ANKS1B: variants seen among roughly 807,000 people sequenced by gnomAD.
ANKS1B encodes ankyrin repeat and sterile alpha motif domain containing 1B.
In ANKS1B, 36 loss-of-function variants were observed where a neutral mutation model predicts 148.3. That is an observed-to-expected ratio of 0.24 (90% CI 0.19 to 0.32). The LOEUF (loss-of-function observed/expected upper bound fraction) is 0.32, where lower values mean the gene tolerates loss of function less well. ANKS1B is among the 10% of genes least tolerant of loss of function. ANKS1B has a pLI of 1.00. For synonymous variants in ANKS1B, 542 were observed against 560.8 expected (o/e 0.97, Z 0.47); for missense variants, 1,157 against 1,542.6 (o/e 0.75, Z 4.19).
chr12:99,291,802 A>G (rs573039790), intron 12 of ANKS1B, among the ~76,000 whole-genome samples: 1 of 152,338 alleles, frequency 6.6e-6, no homozygotes, highest in East Asian at 1.9e-4. Flanking sequence ...ACTGGTACCA[A>G]AACAGATATA....
At chr12:98,778,017 C>A (rs1222341596) in intron 24 of ANKS1B, among the ~76,000 whole-genome samples, 1 of 152,186 alleles carries the variant, frequency 6.6e-6, no homozygotes, top group Non-Finnish European at 1.5e-5. Flanking sequence ...TCTTCACGAC[C>A]AACAGGCTGT....
intron 9 of ANKS1B, among the ~76,000 whole-genome samples, chr12:99,618,054 C>G (rs982025656): frequency 6.6e-6 from 1 of 152,152 alleles, no homozygotes; most frequent in African/African-American, 2.4e-5. Flanking sequence ...CTTTCCATAA[C>G]TCACTCTAGG....
intron 14 of ANKS1B, among the ~76,000 whole-genome samples, chr12:99,219,171 T>C (rs2084699672): frequency 6.6e-6 from 1 of 152,156 alleles, no homozygotes; most frequent in Non-Finnish European, 1.5e-5. Context: ...TGACTAAATT[T>C]TAGGCAGGTT....
At chr12:99,250,295 A>T (rs994323248) in intron 12 of ANKS1B, among the ~76,000 whole-genome samples, 1 of 152,192 alleles carries the variant, frequency 6.6e-6, no homozygotes, top group Non-Finnish European at 1.5e-5. Context: ...AATTGGGACT[A>T]TGGGCTCTAC....
At chr12:99,676,863 T>G (rs1394148619) in intron 8 of ANKS1B, among the ~76,000 whole-genome samples, 1 of 152,184 alleles carries the variant, frequency 6.6e-6, no homozygotes, top group Non-Finnish European at 1.5e-5. Context: ...AAGACTATTG[T>G]TCTATAAATG....
intron 8 of ANKS1B, among the ~76,000 whole-genome samples, chr12:99,698,529 G>A (rs556154145): frequency 4.6e-5 from 7 of 152,206 alleles, no homozygotes; most frequent in South Asian, 2.1e-4. Context: ...TTGAGGAACA[G>A]ACAGAATTTG....
intron 15 of ANKS1B, among the ~76,000 whole-genome samples, chr12:99,091,355 A>G (rs1051896081): frequency 3.3e-5 from 5 of 152,188 alleles, no homozygotes; most frequent in African/African-American, 9.6e-5. Context: ...GTAACCAGGT[A>G]TTTATTTGTT....
chr12:99,806,890 T>A (rs2067690375), intron 3 of ANKS1B, among the ~76,000 whole-genome samples, 190 bp from the exon 4 acceptor site: 1 of 152,220 alleles, frequency 6.6e-6, no homozygotes, highest in African/African-American at 2.4e-5. Flanking sequence ...AAAAAATTTT[T>A]TATATCACTT....
intron 19 of ANKS1B, among the ~76,000 whole-genome samples, chr12:98,811,719 C>T (rs531688915): frequency 6.6e-6 from 1 of 152,304 alleles, no homozygotes; most frequent in Admixed American, 6.5e-5. Flanking sequence ...GGAGAGGTAG[C>T]TGACAGGGGC....
chr12:99,165,199 T>C (rs2077078560), intron 14 of ANKS1B, among the ~76,000 whole-genome samples: 1 of 151,918 alleles, frequency 6.6e-6, no homozygotes, highest in South Asian at 2.1e-4. Flanking sequence ...TCAAATCATT[T>C]ATCTCAGAAT....
intron 8 of ANKS1B, among the ~76,000 whole-genome samples, chr12:99,754,822 C>T (rs1278823231): frequency 6.6e-6 from 1 of 152,102 alleles, no homozygotes. Context: ...TACAACATAC[C>T]AGAATCTCTG....
At chr12:99,692,926 G>A (rs2053337169) in intron 8 of ANKS1B, among the ~76,000 whole-genome samples, 1 of 152,174 alleles carries the variant, frequency 6.6e-6, no homozygotes, top group South Asian at 2.1e-4. Context: ...GCACAATTCA[G>A]AACTAGAAGT....
chr12:99,339,380 C>A (rs2089519135), intron 12 of ANKS1B, among the ~76,000 whole-genome samples: 1 of 152,182 alleles, frequency 6.6e-6, no homozygotes, highest in African/African-American at 2.4e-5. Context: ...TCTCTCCATG[C>A]CACACTGCAT....
At chr12:99,702,000 T>C (rs1335954691) in intron 8 of ANKS1B, among the ~76,000 whole-genome samples, 1 of 152,194 alleles carries the variant, frequency 6.6e-6, no homozygotes, top group African/African-American at 2.4e-5. Flanking sequence ...GCTGTAAACA[T>C]GGGAGTGCAG....
At chr12:98,954,845 G>A (rs963778221) in intron 17 of ANKS1B, among the ~76,000 whole-genome samples, 2 of 152,006 alleles carry the variant, frequency 1.3e-5, no homozygotes, top group African/African-American at 4.8e-5. Flanking sequence ...CTAAAAGAGG[G>A]GCAAGGACAT....
At chr12:98,997,212 C>T (rs1321394109) in intron 17 of ANKS1B, among the ~76,000 whole-genome samples, 1 of 152,022 alleles carries the variant, frequency 6.6e-6, no homozygotes. Flanking sequence ...ATATACCAAG[C>T]TATTGGTAAA....
At chr12:99,067,888 GTGTGTGTGTA>G (rs1046906253) in intron 16 of ANKS1B, among the ~76,000 whole-genome samples, 8 of 151,670 alleles carry the variant, frequency 5.3e-5, no homozygotes, top group East Asian at 1.9e-4. Flanking sequence ...ATGTGTGTGT[GTGTGTGTGTA>G]TGTGTGTGTA....
chr12:99,403,394 T>C (rs548121367), intron 11 of ANKS1B, among the ~76,000 whole-genome samples: 4 of 144,182 alleles, frequency 2.8e-5, no homozygotes, highest in Non-Finnish European at 6.1e-5. Flanking sequence ...TGGCCTCAAG[T>C]GATCTGCCCA....
chr12:99,341,976 T>C (rs1448647876), intron 12 of ANKS1B, among the ~76,000 whole-genome samples: 1 of 152,096 alleles, frequency 6.6e-6, no homozygotes, highest in African/African-American at 2.4e-5. Flanking sequence ...CAGTAAGTAT[T>C]TTTCAGTATC....
Sources: allele counts gnomAD v4.1 joint callset (sites outside exome capture counted in the v4.1 genomes callset), GRCh38; gene constraint gnomAD v4.1.1; transcripts MANE v1.5; gene names NCBI Gene and HGNC (gene_info 2026-07-23, HGNC 2026-07-21).